Variants in MAEA observed in about 807,000 individuals in gnomAD.
MAEA encodes the protein macrophage erythroblast attacher, E3 ubiquitin ligase.
In MAEA, 22 loss-of-function variants were observed where a neutral mutation model predicts 46.2. The ratio of observed to expected loss-of-function variants is 0.48; its 90% confidence interval spans 0.34 to 0.68. The LOEUF is 0.68. MAEA is among the 30% of genes least tolerant of loss of function. The pLI, the probability that MAEA is intolerant of heterozygous loss-of-function variation, is 0.01. For missense variants in MAEA, 393 were observed against 558.1 expected, an observed-to-expected ratio of 0.70 and a Z score of 2.98; for synonymous variants, 246 against 222.6, an observed-to-expected ratio of 1.11 and a Z score of -0.94.
chr4:1,335,178 T>C, intron 6 of MAEA: 1 of 985,496 alleles, frequency 1.0e-6, no homozygotes, highest in Non-Finnish European at 1.2e-6. Context: ...TTCTGTTCTG[T>C]GATGCTTTAA....
rs576305529 is a variant in MAEA at position 1,327,921 on chromosome 4, G to T, written c.656+218G>T. Among the ~76,000 whole-genome samples, 11 of 152,328 alleles carry T rather than the reference G, an allele frequency of 7.2e-5. No homozygotes were observed. In the South Asian group the frequency reaches 2.3e-3, roughly 32 times the overall value. ...GGAGCCTGGCAGGGCCCCCGCCAAGGTGTGGCCCCAGGTGGGCATCCAGAC... is the reference window on the plus strand; with the variant it reads ...GGAGCCTGGCAGGGCCCCCGCCAAGTTGTGGCCCCAGGTGGGCATCCAGAC... On this transcript the variant is annotated intron_variant, in intron 5 of 8. Coordinates refer to ENST00000303400, the MANE Select transcript of MAEA (RefSeq NM_001017405.3).
At chr4:1,325,452 A>G (rs1015256867) in intron 4 of MAEA, among the ~76,000 whole-genome samples, 1 of 152,174 alleles carries the variant, frequency 6.6e-6, no homozygotes, top group East Asian at 1.9e-4. Flanking sequence ...ACATAGACAC[A>G]CTTACATATT....
At chr4:1,298,764 T>G (rs997950933) in intron 1 of MAEA, among the ~76,000 whole-genome samples, 5 of 152,278 alleles carry the variant, frequency 3.3e-5, no homozygotes, top group East Asian at 1.9e-4. Flanking sequence ...GATAGGACCC[T>G]CTGTGTATAC....
intron 4 of MAEA, among the ~76,000 whole-genome samples, chr4:1,325,706 C>T (rs564040523): frequency 1.4e-4 from 21 of 152,232 alleles, no homozygotes; most frequent in South Asian, 8.3e-4. Context: ...TATCTCTTCC[C>T]GCTGGCCCTT....
At chr4:1,329,070 G>A (rs991544705) in intron 5 of MAEA, 55 of 985,714 alleles carry the variant, frequency 5.6e-5, no homozygotes, top group Non-Finnish European at 6.3e-5. Context: ...GTCAGCCTCC[G>A]TCTCCTTGAG....
At chr4:1,312,869 G>A (rs955382036) in intron 2 of MAEA, among the ~76,000 whole-genome samples, 3 of 152,174 alleles carry the variant, frequency 2.0e-5, no homozygotes, top group Non-Finnish European at 2.9e-5. Flanking sequence ...TTGAAACGTC[G>A]CACTGAAAAT....
intron 4 of MAEA, chr4:1,323,470 C>T (rs1200715362): frequency 1.4e-6 from 1 of 702,528 alleles, no homozygotes; most frequent in Admixed American, 2.0e-5. Flanking sequence ...CAGTTACCAG[C>T]CAGGAGTGAC....
At chr4:1,328,699 G>A in intron 5 of MAEA, 3 of 1,276,460 alleles carry the variant, frequency 2.4e-6, no homozygotes, top group Non-Finnish European at 3.1e-6. Context: ...ACGATGAGGT[G>A]CTGAGGGTGG....
Position 1,338,970 on chromosome 4 carries a change from G to T in MAEA, c.1096-104G>T, listed in dbSNP as rs985533524. The T allele has an allele frequency of 6.2e-6, 6 of 970,944 alleles. No homozygotes were observed. In the African/African-American group the frequency reaches 6.4e-5, roughly 10 times the overall value. The allele number at this position is 970,944 out of a possible 1,614,324, so 60.1% of individuals were successfully genotyped here. A position where few individuals can be genotyped will look rare whatever the true frequency, so the allele number is the denominator to read the frequency against. On this transcript the variant is annotated intron_variant, in intron 8 of 8. Transcript: ENST00000303400. ...GCCTTCGGGAAGGAACTTTGCCTGA[G>T]AGGATGAGTCATTCCCTGGTGGTTC...
chr4:1,323,725 A>C (rs760386257), intron 4 of MAEA: 24 of 664,490 alleles, frequency 3.6e-5, no homozygotes, highest in Non-Finnish European at 6.3e-5. Flanking sequence ...GTCAGAGGGA[A>C]GATAGGTTCT....
At chr4:1,290,792 G>C in intron 1 of MAEA, among the ~76,000 whole-genome samples, 1 of 152,222 alleles carries the variant, frequency 6.6e-6, no homozygotes, top group East Asian at 1.9e-4. Flanking sequence ...GTGGCGACAG[G>C]TGTGGAGGAT....
chr4:1,314,885 A>C (rs12501739), intron 2 of MAEA, among the ~76,000 whole-genome samples: 4 of 152,200 alleles, frequency 2.6e-5, no homozygotes, highest in East Asian at 3.8e-4. Flanking sequence ...TGTGCTGTCA[A>C]ATTTTTAGCG....
chr4:1,292,895 T>C (rs1734240791), intron 1 of MAEA, among the ~76,000 whole-genome samples: 1 of 149,414 alleles, frequency 6.7e-6, no homozygotes, highest in African/African-American at 2.5e-5. Flanking sequence ...TCTTTTTTTT[T>C]TTTTTTTTTC....
At chr4:1,302,992 C>T (rs1416168483) in intron 1 of MAEA, among the ~76,000 whole-genome samples, 1 of 152,020 alleles carries the variant, frequency 6.6e-6, no homozygotes, top group Non-Finnish European at 1.5e-5. Context: ...GCAGCCACCT[C>T]GGAAAACAAC....
chr4:1,308,105 T>TA (rs1248447851), intron 1 of MAEA, among the ~76,000 whole-genome samples: 1 of 151,268 alleles, frequency 6.6e-6, no homozygotes, highest in Non-Finnish European at 1.5e-5. Flanking sequence ...AGCCAGATGG[T>TA]GTGGCTGCTG....
At chr4:1,336,190 T>G (rs1468187104) in intron 6 of MAEA, among the ~76,000 whole-genome samples, 1 of 143,752 alleles carries the variant, frequency 7.0e-6, no homozygotes. Flanking sequence ...AATCAGAGAG[T>G]TCCAGCACTC....
At chr4:1,324,096 G>T (rs1738493776) in intron 4 of MAEA, among the ~76,000 whole-genome samples, 1 of 151,958 alleles carries the variant, frequency 6.6e-6, no homozygotes, top group African/African-American at 2.4e-5. Context: ...TGGATGCCTG[G>T]TGGATGAGTG....
intron 1 of MAEA, among the ~76,000 whole-genome samples, chr4:1,297,643 G>A (rs1378453567): frequency 6.6e-6 from 1 of 152,114 alleles, no homozygotes; most frequent in East Asian, 1.9e-4. Context: ...TTGGTTGGGC[G>A]TCTCCTTTAG....
At chr4:1,333,314 TG>T (rs1166646978) in intron 6 of MAEA, among the ~76,000 whole-genome samples, 1 of 150,630 alleles carries the variant, frequency 6.6e-6, no homozygotes, top group Non-Finnish European at 1.5e-5. Context: ...GCACTCCAGC[TG>T]GGGTGACAGA....
Sources: gnomAD v4.1 joint callset for allele counts (sites outside exome capture counted in the v4.1 genomes callset) on GRCh38, gnomAD v4.1.1 for gene constraint, MANE v1.5 for transcripts, NCBI Gene and HGNC (gene_info 2026-07-23, HGNC 2026-07-21) for gene names.